Variants in MYT1 observed in about 807,000 individuals in gnomAD.
MYT1 encodes myelin transcription factor 1, also known as myelin transcription factor I.
A neutral mutation model predicts 123.0 loss-of-function variants in MYT1; 23 were observed. That is an observed-to-expected ratio of 0.19 (90% confidence interval 0.13 to 0.26). The LOEUF (loss-of-function observed/expected upper bound fraction) is 0.26, where lower values mean the gene tolerates loss of function less well. MYT1 is among the 10% of genes least tolerant of loss of function. MYT1 has a pLI of 1.00. For synonymous variants in MYT1, 518 were observed against 575.3 expected, an observed-to-expected ratio of 0.90 and a Z score of 1.43; for missense variants, 1,125 against 1,472.5, an observed-to-expected ratio of 0.76 and a Z score of 3.86.
chr20:64,227,383 G>A (rs1447585752), intron 16 of MYT1, 32 bp from the exon 17 acceptor site: 7 of 1,609,624 alleles, frequency 4.3e-6, no homozygotes, highest in Non-Finnish European at 2.5e-6. Context: ...CGCCTTCACG[G>A]GCTCCCGTTC....
At chr20:64,214,359 G>A (rs946537241) in intron 10 of MYT1, among the ~76,000 whole-genome samples, 3 of 152,228 alleles carry the variant, frequency 2.0e-5, no homozygotes, top group African/African-American at 7.2e-5. Flanking sequence ...TCGCATATGT[G>A]CGAGTATGTT....
chr20:64,211,837 G>T (rs1483416996), intron 8 of MYT1, among the ~76,000 whole-genome samples: 5 of 152,144 alleles, frequency 3.3e-5, no homozygotes, highest in South Asian at 2.1e-4. Flanking sequence ...GCGGTGGGGG[G>T]CATGCCCTGA....
rs1421376454 is a variant in MYT1, at chr20:64,190,057, C to G, written c.-98-6C>G. ...TTTCTGACCTTGAACCTTTTTAAAC[C>G]CTCAGAAAATGAGTTCCGAGGTGAG... On this transcript the variant is annotated splice_region_variant and splice_polypyrimidine_tract_variant and intron_variant, in intron 1 of 22. Transcript: ENST00000328439. The surrounding 1 kb of genome is among the most constrained non-coding windows in gnomAD (Gnocchi z 4.1). 1 of 152,624 alleles carries G rather than the reference C, an allele frequency of 6.6e-6. No homozygotes were observed. The highest frequency in any genetic ancestry group is 1.5e-5 in the Non-Finnish European group (1 of 68,036). 9.5% of individuals were successfully genotyped at this position (152,624 alleles called of 1,614,324 possible). A position where few individuals can be genotyped will look rare whatever the true frequency, so the allele number is the denominator to read the frequency against.
chr20:64,215,377 C>T (rs1045163980), intron 10 of MYT1, among the ~76,000 whole-genome samples: 20 of 152,190 alleles, frequency 1.3e-4, no homozygotes, highest in African/African-American at 2.2e-4. Context: ...ACTCACTGAA[C>T]GCTAGAGAGA....
intron 19 of MYT1, among the ~76,000 whole-genome samples, chr20:64,235,977 C>T (rs1211892453): frequency 8.7e-5 from 10 of 114,936 alleles, no homozygotes; most frequent in African/African-American, 3.5e-5. Flanking sequence ...CTGGGATGGC[C>T]GCGGTGGGTG....
chr20:64,177,441 GTGT>G, intron 1 of MYT1, among the ~76,000 whole-genome samples: 1 of 152,154 alleles, frequency 6.6e-6, no homozygotes, highest in Admixed American at 6.5e-5. Flanking sequence ...GGTCCCATTT[GTGT>G]TTCCTGCCAG....
chr20:64,187,929 G>A (rs1427378409), intron 1 of MYT1, among the ~76,000 whole-genome samples: 1 of 152,232 alleles, frequency 6.6e-6, no homozygotes, highest in African/African-American at 2.4e-5. Flanking sequence ...GAAGCTCAGC[G>A]GCTTTGCTGC....
intron 7 of MYT1, among the ~76,000 whole-genome samples, chr20:64,209,958 C>G (rs1313333118): frequency 6.6e-6 from 1 of 152,210 alleles, no homozygotes; most frequent in African/African-American, 2.4e-5. Flanking sequence ...ATGCTCCGGC[C>G]TTGTGGGGCC....
chr20:64,216,775 C>G (rs1304260390), intron 10 of MYT1, among the ~76,000 whole-genome samples: 1 of 152,226 alleles, frequency 6.6e-6, no homozygotes, highest in Admixed American at 6.5e-5. Flanking sequence ...AAATCTTAGG[C>G]CCTCCTCTAT....
In MYT1 at chr20:64,207,979, C is replaced by CGAGGAG. The variant is rs765836332; in HGVS notation, c.798_803dup (p.Glu272_Glu273dup). 205 of 1,569,200 alleles carry CGAGGAG rather than the reference C, an allele frequency of 1.3e-4. No homozygotes were observed. The highest frequency in any genetic ancestry group is 5.8e-4 in the Middle Eastern group (3 of 5,214). On this transcript the variant is annotated inframe_insertion, in exon 7 of 23. Coordinates refer to ENST00000328439, the MANE Select transcript of MYT1 (RefSeq NM_004535.3). The stretch of plus-strand genomic sequence containing the variant: ...GCATCCTGAGTCACGAAGAGGAGGA[C>CGAGGAG]GAGGAGGAGGAGGAGGAGGAAGAGG...
At chr20:64,211,484 CCCCGCTTT>C in intron 8 of MYT1, 144 bp downstream of exon 8, 1 of 846,104 alleles carries the variant, frequency 1.2e-6, no homozygotes, top group Non-Finnish European at 1.7e-6. Context: ...CCTTACATCT[CCCCGCTTT>C]CCCCCACAAA....
intron 19 of MYT1, among the ~76,000 whole-genome samples, chr20:64,235,664 C>T (rs1318241439): frequency 2.1e-4 from 25 of 121,120 alleles, no homozygotes; most frequent in African/African-American, 5.0e-4. Flanking sequence ...CCTGGGATGG[C>T]CGTGGTGGGT....
intron 1 of MYT1, among the ~76,000 whole-genome samples, chr20:64,173,210 G>A (rs1569304467): frequency 6.6e-6 from 1 of 152,116 alleles, no homozygotes; most frequent in Non-Finnish European, 1.5e-5. Flanking sequence ...GTGGCCCAGT[G>A]AGGCAAGGCC....
rs1306168142 is a variant in MYT1, at chr20:64,228,194, G to C, written c.2675+223G>C. Reference sequence around the variant, plus strand: ...CCCTGGATGTCGCGTGGAGGGCATGGGTGCCAGATTTTCTGGGCTTTTCAG... The same window carrying C: ...CCCTGGATGTCGCGTGGAGGGCATGCGTGCCAGATTTTCTGGGCTTTTCAG... On this transcript the variant is annotated intron_variant, in intron 18 of 22. Transcript: ENST00000328439. 7.2e-6 allele frequency: 4 copies of C among 556,236 alleles called. No individual in the cohort carries two copies. The African/African-American group carries it at 7.7e-5, about 11-fold the overall frequency. The allele number at this position is 556,236 out of a possible 1,614,324, so 34.5% of individuals were successfully genotyped here.
chr20:64,226,003 G>A (rs1309422310), intron 16 of MYT1, among the ~76,000 whole-genome samples: 2 of 152,224 alleles, frequency 1.3e-5, no homozygotes, highest in Non-Finnish European at 2.9e-5. Flanking sequence ...GCCTAGAGCT[G>A]CTGTGGGTCT....
Position 64,232,744 on chromosome 20 carries a change from T to C in MYT1, c.2897+359T>C, listed in dbSNP as rs1313125309. 1.3e-5 allele frequency among the ~76,000 whole-genome samples: 2 copies of C among 152,068 alleles called. No homozygotes were observed. Among genetic ancestry groups the C allele is most frequent in the Non-Finnish European group, 2.9e-5 (2 of 67,988 alleles). ...CTGACAACTTCTCAGGAAAAGTTTGTCTCCTACACCTTATGCCCTGTCCCT... is the reference window on the plus strand; with the variant it reads ...CTGACAACTTCTCAGGAAAAGTTTGCCTCCTACACCTTATGCCCTGTCCCT... On this transcript the variant is annotated intron_variant, in intron 19 of 22. Transcript: ENST00000328439. The surrounding 1 kb of genome is among the most constrained non-coding windows in gnomAD (Gnocchi z 6.9).
chr20:64,199,012 A>G, intron 3 of MYT1, 96 bp downstream of exon 3: 1 of 1,341,870 alleles, frequency 7.5e-7, no homozygotes, highest in Non-Finnish European at 1.1e-6. Context: ...ATGTGCAGAG[A>G]TGCCCTGGGG....
At chr20:64,209,112 C>T (rs371233198) in intron 7 of MYT1, among the ~76,000 whole-genome samples, 12 of 151,902 alleles carry the variant, frequency 7.9e-5, no homozygotes, top group Non-Finnish European at 1.5e-4. Context: ...GCTGGGCTGA[C>T]GTGGTTGGGG....
chr20:64,235,864 G>A (rs552377176), intron 19 of MYT1, among the ~76,000 whole-genome samples: 10 of 139,294 alleles, frequency 7.2e-5, no homozygotes, highest in Non-Finnish European at 1.4e-4. Context: ...GGCCGTGGTG[G>A]GTGACGCTGG....
Sources: gnomAD v4.1 joint callset for allele counts (sites outside exome capture counted in the v4.1 genomes callset) on GRCh38, gnomAD v4.1.1 for gene constraint, Gnocchi (gnomAD v3.1) non-coding constraint, MANE v1.5 for transcripts, NCBI Gene and HGNC (gene_info 2026-07-23, HGNC 2026-07-21) for gene names.